The following QTMAN variants were observed in gnomAD, a reference collection of about 807,000 sequenced individuals.
QTMAN encodes queuosine-tRNA mannosyltransferase.
At chr2:143,981,062 A>G in the QTMAN span, among the ~76,000 whole-genome samples, 2 of 152,328 alleles carry the variant, frequency 1.3e-5, no homozygotes, top group East Asian at 3.9e-4. Context: ...TCCCTGAGAA[A>G]TCCCATATCA....
the QTMAN span, among the ~76,000 whole-genome samples, chr2:144,125,237 CT>C: frequency 2.9e-4 from 43 of 148,402 alleles, no homozygotes; most frequent in Admixed American, 5.4e-4. Context: ...TAAAAGAAGG[CT>C]TTTTTTTTTC....
chr2:144,047,509 TG>T, the QTMAN span, among the ~76,000 whole-genome samples: 1 of 152,188 alleles, frequency 6.6e-6, no homozygotes, highest in African/African-American at 2.4e-5. Context: ...GCATATATAC[TG>T]TACAGCTGAC....
the QTMAN span, among the ~76,000 whole-genome samples, chr2:144,028,458 G>A: frequency 6.6e-6 from 1 of 152,058 alleles, no homozygotes; most frequent in African/African-American, 2.4e-5. Flanking sequence ...TTCTGCTATT[G>A]GAGATTTTTA....
At chr2:144,219,664 T>C in the QTMAN span, among the ~76,000 whole-genome samples, 22 of 152,018 alleles carry the variant, frequency 1.4e-4, no homozygotes, top group Non-Finnish European at 3.1e-4. Context: ...TCTACAAAAA[T>C]ACAAATAATT....
chr2:143,965,297 A>T, the QTMAN span, among the ~76,000 whole-genome samples: 1 of 152,106 alleles, frequency 6.6e-6, no homozygotes, highest in Non-Finnish European at 1.5e-5. Context: ...TGTATTAAAA[A>T]CTCATTCCAT....
chr2:143,956,766 T>C, the QTMAN span, among the ~76,000 whole-genome samples: 2 of 151,958 alleles, frequency 1.3e-5, no homozygotes, highest in Non-Finnish European at 1.5e-5. Flanking sequence ...TTAACATCCA[T>C]CATGCATTAA....
At chr2:144,196,701 C>A in the QTMAN span, among the ~76,000 whole-genome samples, 3 of 152,312 alleles carry the variant, frequency 2.0e-5, no homozygotes, top group East Asian at 1.9e-4. Flanking sequence ...GTGCCTAGCA[C>A]GTAATGAGTG....
At chr2:144,264,641 G>A in the QTMAN span, among the ~76,000 whole-genome samples, 1 of 152,188 alleles carries the variant, frequency 6.6e-6, no homozygotes, top group Non-Finnish European at 1.5e-5. Context: ...GGTGAGGCTA[G>A]TCAGGAACGA....
chr2:144,292,387 C>T, the QTMAN span, among the ~76,000 whole-genome samples: 1 of 152,186 alleles, frequency 6.6e-6, no homozygotes, highest in South Asian at 2.1e-4. Context: ...CTAACAGTTA[C>T]TTAAGGCCCA....
chr2:144,250,090 T>C, the QTMAN span, among the ~76,000 whole-genome samples: 10 of 151,790 alleles, frequency 6.6e-5, no homozygotes, highest in African/African-American at 2.2e-4. Flanking sequence ...TGTATTCTTT[T>C]ATCAAAACTT....
the QTMAN span, among the ~76,000 whole-genome samples, chr2:144,004,750 A>G: frequency 1.3e-5 from 2 of 151,876 alleles, no homozygotes; most frequent in African/African-American, 4.8e-5. Context: ...GCAAGATAAC[A>G]TCATCATCAT....
chr2:143,960,741 T>C, the QTMAN span, among the ~76,000 whole-genome samples: 1 of 151,828 alleles, frequency 6.6e-6, no homozygotes, highest in Non-Finnish European at 1.5e-5. Flanking sequence ...CGGTGAGGAA[T>C]AAAAAGTGTT....
the QTMAN span, among the ~76,000 whole-genome samples, chr2:144,214,981 G>A: frequency 6.6e-6 from 1 of 152,090 alleles, no homozygotes; most frequent in South Asian, 2.1e-4. Context: ...ACTGGCTCAT[G>A]CCTGTAATCC....
the QTMAN span, among the ~76,000 whole-genome samples, chr2:144,118,244 T>C: frequency 2.0e-5 from 3 of 152,194 alleles, no homozygotes; most frequent in Non-Finnish European, 4.4e-5. Context: ...GCAAGTAGTA[T>C]CAACTAATAT....
the QTMAN span, among the ~76,000 whole-genome samples, chr2:144,079,019 C>T: frequency 6.6e-6 from 1 of 152,242 alleles, no homozygotes; most frequent in African/African-American, 2.4e-5. Flanking sequence ...TACTGTACTG[C>T]TATCTTTTAA....
At chr2:144,007,474 C>G in the QTMAN span, 1 of 1,611,442 alleles carries the variant, frequency 6.2e-7, no homozygotes, top group Non-Finnish European at 8.5e-7. Flanking sequence ...AGAACCGCAC[C>G]GCCATTTCCT....
At chr2:144,012,566 T>G in the QTMAN span, among the ~76,000 whole-genome samples, 113 of 152,324 alleles carry the variant, frequency 7.4e-4, no homozygotes, top group African/African-American at 2.6e-3. Flanking sequence ...TTGATTCATG[T>G]GCCGTTGAAT....
the QTMAN span, among the ~76,000 whole-genome samples, chr2:144,075,201 G>A: frequency 5.3e-5 from 8 of 152,156 alleles, no homozygotes; most frequent in Non-Finnish European, 1.2e-4. Flanking sequence ...CAAAGATGCT[G>A]GATGTATGGG....
chr2:144,048,793 CAT>C, the QTMAN span, among the ~76,000 whole-genome samples: 1 of 150,800 alleles, frequency 6.6e-6, no homozygotes, highest in African/African-American at 2.5e-5. Context: ...CCCGCATGCA[CAT>C]GCTTGTGTGC....
Sources: gnomAD v4.1 joint callset for allele counts (sites outside exome capture counted in the v4.1 genomes callset) on GRCh38, gnomAD v4.1.1 for gene constraint, MANE v1.5 for transcripts, NCBI Gene and HGNC (gene_info 2026-07-23, HGNC 2026-07-21) for gene names.